Variants in SLC38A1 observed in about 807,000 individuals in gnomAD.
SLC38A1 encodes the protein solute carrier family 38 member 1, also known as sodium-coupled neutral amino acid symporter 1.
SLC38A1 carries 18 observed loss-of-function variants against 60.3 expected under a neutral mutation model. The observed-to-expected ratio is 0.30, with a 90% CI of 0.21 to 0.44. The LOEUF (loss-of-function observed/expected upper bound fraction) is 0.44, where lower values mean the gene tolerates loss of function less well. Ranked by LOEUF, SLC38A1 falls within the 20% of genes least tolerant of loss-of-function variation. SLC38A1 has a pLI of 1.00. For synonymous variants in SLC38A1, 196 were observed against 212.1 expected (o/e 0.92, Z 0.66); for missense variants, 448 against 587.2 (o/e 0.76, Z 2.45).
chr12:46,218,651 C>G (rs938940345), intron 5 of SLC38A1, among the ~76,000 whole-genome samples: 2 of 152,030 alleles, frequency 1.3e-5, no homozygotes, highest in Admixed American at 1.3e-4. Context: ...TTTATTGAGA[C>G]AGGGGAATTG....
intron 16 of SLC38A1, among the ~76,000 whole-genome samples, chr12:46,193,609 G>T (rs149634520): frequency 6.6e-6 from 1 of 152,124 alleles, no homozygotes; most frequent in African/African-American, 2.4e-5. Context: ...ATGGATCTGG[G>T]TGCTCCTGTA....
At chr12:46,199,307 TTGTG>T (rs71067986) in intron 13 of SLC38A1, among the ~76,000 whole-genome samples, 22,307 of 124,182 alleles carry the variant, frequency 0.18, 2,062 homozygotes, top group South Asian at 0.26. Context: ...ATGTACTACT[TTGTG>T]TGTGTGTGTG....
At chr12:46,261,363 C>T (rs976587277) in intron 1 of SLC38A1, among the ~76,000 whole-genome samples, 2 of 152,158 alleles carry the variant, frequency 1.3e-5, no homozygotes, top group Non-Finnish European at 2.9e-5. Flanking sequence ...TGGCTTATAG[C>T]AAGGGGGCTC....
chr12:46,225,797 A>T (rs757317550), intron 5 of SLC38A1, among the ~76,000 whole-genome samples: 16 of 152,212 alleles, frequency 1.1e-4, no homozygotes, highest in Non-Finnish European at 1.6e-4. Context: ...AAGGTGAAAG[A>T]CCCCAAAACA....
intron 1 of SLC38A1, among the ~76,000 whole-genome samples, chr12:46,244,773 A>G (rs1328667732): frequency 6.6e-6 from 1 of 152,242 alleles, no homozygotes; most frequent in Non-Finnish European, 1.5e-5. Flanking sequence ...CAGTAATTTT[A>G]ACAAATTTTT....
Position 46,239,659 on chromosome 12 carries a change from G to A in SLC38A1, c.122+20C>T. Reference sequence around the variant, plus strand: ...GCCATTTCTTTCACTGGATAGAAATGTTAGTGGAAAAATACTCACCTATTT... The same window carrying A: ...GCCATTTCTTTCACTGGATAGAAATATTAGTGGAAAAATACTCACCTATTT... On this transcript the variant is annotated intron_variant, in intron 3 of 16. Transcript: ENST00000398637. 1.9e-6 allele frequency: 3 copies of A among 1,613,000 alleles called. No homozygotes were observed. Among genetic ancestry groups the A allele is most frequent in the Non-Finnish European group, 2.5e-6 (3 of 1,179,494 alleles).
intron 5 of SLC38A1, among the ~76,000 whole-genome samples, chr12:46,214,964 A>G (rs1190675548): frequency 1.3e-5 from 2 of 152,196 alleles, no homozygotes; most frequent in East Asian, 3.8e-4. Flanking sequence ...CCTCCCTAGC[A>G]TGACTCTCCC....
At chr12:46,254,613 T>A (rs1156262216) in intron 1 of SLC38A1, among the ~76,000 whole-genome samples, 1 of 152,202 alleles carries the variant, frequency 6.6e-6, no homozygotes, top group Admixed American at 6.5e-5. Flanking sequence ...GAGGTCTGTG[T>A]AGGCAAGTAT....
chr12:46,243,436 T>C (rs570779496), intron 1 of SLC38A1, 122 bp from the exon 2 acceptor site: 90 of 152,366 alleles, frequency 5.9e-4, no homozygotes, highest in African/African-American at 2.1e-3. Context: ...TTTCCTATCC[T>C]GAGTTATGTC....
intron 3 of SLC38A1, chr12:46,239,119 C>T (rs1941355959): frequency 1.3e-5 from 2 of 152,402 alleles, no homozygotes; most frequent in Non-Finnish European, 2.9e-5. Context: ...TGTATTCATA[C>T]ATTTTTATTA....
chr12:46,212,246 T>C (rs1430988815), intron 5 of SLC38A1, among the ~76,000 whole-genome samples: 1 of 152,206 alleles, frequency 6.6e-6, no homozygotes, highest in African/African-American at 2.4e-5. Context: ...TATTTGTACA[T>C]ATAATTATGG....
chr12:46,212,136 T>C (rs1467164798), intron 5 of SLC38A1, among the ~76,000 whole-genome samples: 1 of 152,136 alleles, frequency 6.6e-6, no homozygotes, highest in African/African-American at 2.4e-5. Context: ...AACCATGACA[T>C]CTAAGAGAAA....
At chr12:46,267,554 A>T (rs1199721280) in intron 1 of SLC38A1, 1 of 152,458 alleles carries the variant, frequency 6.6e-6, no homozygotes, top group Non-Finnish European at 1.5e-5. Flanking sequence ...GTGCCCAGGC[A>T]GCCGGGTAAC....
In SLC38A1 at chr12:46,263,190, C is replaced by T. The variant is rs372213875; in HGVS notation, c.-209+5336G>A. 7.9e-5 allele frequency among the ~76,000 whole-genome samples: 12 copies of T among 152,264 alleles called. No individual in the cohort carries two copies. The South Asian group carries it at 1.5e-3, about 18-fold the overall frequency. On this transcript the variant is annotated intron_variant, in intron 1 of 16. Transcript: ENST00000398637. ...AGGATCCAAGCATGGTTATTTTAAA[C>T]GCTCTCCAGAGGAGAGCATTCTTAT...
Position 46,188,942 on chromosome 12 carries a change from C to A in SLC38A1, c.*28G>T. The stretch of plus-strand genomic sequence containing the variant: ...TGTGGGGACTTGACTGAGCAGACAA[C>A]AGGGATGTTTCTTTTTCTCGGCGGG... On this transcript the variant is annotated 3_prime_UTR_variant, in exon 17 of 17. Coordinates refer to ENST00000398637, the MANE Select transcript of SLC38A1 (RefSeq NM_030674.4). 1.3e-6 allele frequency: 2 copies of A among 1,590,836 alleles called. No homozygotes were observed. Among genetic ancestry groups the A allele is most frequent in the Non-Finnish European group, 1.7e-6 (2 of 1,160,608 alleles).
At chr12:46,205,810 T>G (rs1320540134) in intron 9 of SLC38A1, among the ~76,000 whole-genome samples, 3 of 152,178 alleles carry the variant, frequency 2.0e-5, no homozygotes, top group African/African-American at 7.2e-5. Flanking sequence ...GCATATAAGT[T>G]GTACTACTGA....
chr12:46,221,662 G>T (rs116359938), intron 5 of SLC38A1, among the ~76,000 whole-genome samples: 1 of 152,180 alleles, frequency 6.6e-6, no homozygotes, highest in Non-Finnish European at 1.5e-5. Flanking sequence ...GAGCAGCTAC[G>T]TGCAAATGCT....
chr12:46,256,606 C>T (rs576823586), intron 1 of SLC38A1, among the ~76,000 whole-genome samples: 24 of 93,116 alleles, frequency 2.6e-4, no homozygotes, highest in African/African-American at 7.4e-4. Flanking sequence ...AGTTTGCGCG[C>T]GCGCGCGCAC....
chr12:46,227,784 G>C (rs529720381), intron 5 of SLC38A1, among the ~76,000 whole-genome samples: 6 of 152,104 alleles, frequency 3.9e-5, no homozygotes, highest in Non-Finnish European at 5.9e-5. Flanking sequence ...CAATTTCCTT[G>C]TTTTGAAGAG....
Sources: allele counts gnomAD v4.1 joint callset (sites outside exome capture counted in the v4.1 genomes callset), GRCh38; gene constraint gnomAD v4.1.1; transcripts MANE v1.5; gene names NCBI Gene and HGNC (gene_info 2026-07-23, HGNC 2026-07-21).